Variants in ERBB4 observed in about 807,000 individuals in gnomAD.
ERBB4 encodes receptor tyrosine-protein kinase erbB-4.
Under a neutral mutation model 158.0 loss-of-function variants are expected in ERBB4, and 42 were observed. The observed-to-expected ratio is 0.27, with a 90% CI of 0.21 to 0.34. The LOEUF is 0.34. Ranked by LOEUF, ERBB4 falls within the 10% of genes least tolerant of loss-of-function variation. ERBB4 has a pLI of 1.00. For synonymous variants in ERBB4, 583 were observed against 558.7 expected (o/e 1.04, Z -0.61); for missense variants, 1,333 against 1,624.1 (o/e 0.82, Z 3.08).
intron 1 of ERBB4, among the ~76,000 whole-genome samples, chr2:212,419,185 T>C (rs73062343): frequency 0.048 from 7,348 of 151,826 alleles, 369 homozygotes; most frequent in African/African-American, 0.13. Flanking sequence ...AGAAAAACTG[T>C]TGAACTGAAC....
chr2:211,442,291 T>C (rs2063996346), intron 20 of ERBB4, among the ~76,000 whole-genome samples: 1 of 152,098 alleles, frequency 6.6e-6, no homozygotes, highest in African/African-American at 2.4e-5. Context: ...ACAAATTAGA[T>C]GTCATTTCCT....
intron 20 of ERBB4, among the ~76,000 whole-genome samples, chr2:211,443,920 T>C (rs1194133963): frequency 6.6e-6 from 1 of 152,108 alleles, no homozygotes; most frequent in Non-Finnish European, 1.5e-5. Flanking sequence ...GCATTACAGA[T>C]GATTCTCATT....
chr2:211,404,215 C>T (rs867232788), intron 25 of ERBB4, among the ~76,000 whole-genome samples: 1 of 152,172 alleles, frequency 6.6e-6, no homozygotes, highest in African/African-American at 2.4e-5. Flanking sequence ...TGTTCCCTCT[C>T]CCTTGCTGCC....
chr2:212,244,367 G>A (rs1003329269), intron 1 of ERBB4, among the ~76,000 whole-genome samples: 2 of 151,984 alleles, frequency 1.3e-5, no homozygotes, highest in Non-Finnish European at 2.9e-5. Context: ...TGAAATTCAC[G>A]GGTCATGACA....
intron 3 of ERBB4, among the ~76,000 whole-genome samples, chr2:211,849,811 A>G (rs1394792103): frequency 6.7e-6 from 1 of 150,062 alleles, no homozygotes; most frequent in African/African-American, 2.4e-5. Flanking sequence ...AACCAAAAGT[A>G]TATCTTACTG....
chr2:212,370,096 C>A (rs140759087), intron 1 of ERBB4, among the ~76,000 whole-genome samples: 18 of 152,202 alleles, frequency 1.2e-4, no homozygotes, highest in African/African-American at 4.3e-4. Context: ...AATAATCCCC[C>A]CACCTGTCAA....
Position 211,572,992 on chromosome 2 carries a change from G to T in ERBB4, c.2302-10904C>A, listed in dbSNP as rs528917404. 1.1e-4 allele frequency among the ~76,000 whole-genome samples: 16 copies of T among 152,224 alleles called. No homozygotes were observed. The South Asian group carries it at 3.1e-3, about 30-fold the overall frequency. Reference sequence around the variant, plus strand: ...AAATATTCCCACATCTTAATCCCAGGTCATATTCATCCCTGAGGTGAATAC... The same window carrying T: ...AAATATTCCCACATCTTAATCCCAGTTCATATTCATCCCTGAGGTGAATAC... On this transcript the variant is annotated intron_variant, in intron 19 of 27. Coordinates refer to ENST00000342788, the MANE Select transcript of ERBB4 (RefSeq NM_005235.3).
In ERBB4 at chr2:211,396,607, T is replaced by G. The variant is rs1475076228; in HGVS notation, c.3136-8615A>C. Among the ~76,000 whole-genome samples, 5 of 152,304 alleles carry G rather than the reference T, an allele frequency of 3.3e-5. No individual in the cohort carries two copies. In the East Asian group the frequency reaches 9.6e-4, roughly 29 times the overall value. ...AATATGAAGCGCACGGTTTGTGTAT[T>G]GGAGGATGGAGAACAAATAATATAG... On this transcript the variant is annotated intron_variant, in intron 25 of 27. Coordinates refer to ENST00000342788, the MANE Select transcript of ERBB4 (RefSeq NM_005235.3).
At chr2:212,054,348 CCA>C (rs2077489507) in intron 2 of ERBB4, among the ~76,000 whole-genome samples, 1 of 151,930 alleles carries the variant, frequency 6.6e-6, no homozygotes, top group Non-Finnish European at 1.5e-5. Context: ...CAGATGTAGG[CCA>C]CATAGGATAA....
At chr2:212,462,205 A>G (rs925207671) in intron 1 of ERBB4, among the ~76,000 whole-genome samples, 4 of 152,192 alleles carry the variant, frequency 2.6e-5, no homozygotes, top group Non-Finnish European at 5.9e-5. Flanking sequence ...CTGGGCAAAG[A>G]TTTTATAGTT....
intron 3 of ERBB4, among the ~76,000 whole-genome samples, chr2:211,845,250 C>T (rs549581753): frequency 6.6e-6 from 1 of 151,992 alleles, no homozygotes; most frequent in Admixed American, 6.6e-5. Flanking sequence ...AACCACGCTC[C>T]ATCACTATCC....
At chr2:212,338,855 C>T (rs1025211236) in intron 1 of ERBB4, among the ~76,000 whole-genome samples, 7 of 152,064 alleles carry the variant, frequency 4.6e-5, no homozygotes, top group African/African-American at 7.2e-5. Context: ...CACGGTAACA[C>T]GAAATTAATT....
chr2:212,158,899 A>G (rs2081120222), intron 1 of ERBB4, among the ~76,000 whole-genome samples: 1 of 152,028 alleles, frequency 6.6e-6, no homozygotes, highest in African/African-American at 2.4e-5. Context: ...ATATTATAGC[A>G]TACAGAGTGG....
chr2:211,444,383 G>A (rs1353139852), intron 20 of ERBB4, among the ~76,000 whole-genome samples: 1 of 152,056 alleles, frequency 6.6e-6, no homozygotes. Context: ...TGTACATGAG[G>A]TTTAAAGGTA....
intron 20 of ERBB4, among the ~76,000 whole-genome samples, chr2:211,539,894 T>C (rs753642855): frequency 2.6e-5 from 4 of 152,086 alleles, no homozygotes; most frequent in Admixed American, 6.6e-5. Flanking sequence ...CGTTGCACTT[T>C]ACATAGCCTC....
chr2:212,437,118 C>A (rs1034949560), intron 1 of ERBB4, among the ~76,000 whole-genome samples: 5 of 151,990 alleles, frequency 3.3e-5, no homozygotes, highest in African/African-American at 1.2e-4. Context: ...CTAGCAAAGA[C>A]CAAATGTAAG....
At chr2:211,500,441 G>A (rs1178914566) in intron 20 of ERBB4, among the ~76,000 whole-genome samples, 1 of 152,044 alleles carries the variant, frequency 6.6e-6, no homozygotes, top group African/African-American at 2.4e-5. Flanking sequence ...CCACAGTCAA[G>A]ATAATTTATT....
intron 19 of ERBB4, among the ~76,000 whole-genome samples, chr2:211,596,324 T>A (rs2068629140): frequency 6.6e-6 from 1 of 152,204 alleles, no homozygotes; most frequent in African/African-American, 2.4e-5. Context: ...TGTTTTATTT[T>A]CATTTTTGGA....
At chr2:211,816,836 C>T (rs914926646) in intron 3 of ERBB4, among the ~76,000 whole-genome samples, 4 of 152,052 alleles carry the variant, frequency 2.6e-5, no homozygotes, top group African/African-American at 9.7e-5. Context: ...ATTCACTTCC[C>T]TGTTTGTAGA....
Sources: allele counts gnomAD v4.1 joint callset (sites outside exome capture counted in the v4.1 genomes callset), GRCh38; gene constraint gnomAD v4.1.1; transcripts MANE v1.5; gene names NCBI Gene and HGNC (gene_info 2026-07-23, HGNC 2026-07-21).